PTPRG: variants seen among roughly 807,000 people sequenced by gnomAD.
PTPRG encodes the protein protein tyrosine phosphatase receptor type G.
Under a neutral mutation model 165.3 loss-of-function variants are expected in PTPRG, and 102 were observed. The ratio of observed to expected loss-of-function variants is 0.62; its 90% CI spans 0.53 to 0.73. The LOEUF is 0.73. Among genes scored for constraint, PTPRG ranks in the 30% least tolerant of loss-of-function variants. The pLI is 0.00. For synonymous variants in PTPRG, 675 were observed against 669.5 expected, an observed-to-expected ratio of 1.01 and a Z score of -0.13; for missense variants, 1,866 against 1,861.4, an observed-to-expected ratio of 1.00 and a Z score of -0.05.
chr3:61,693,736 C>T (rs755947073), intron 1 of PTPRG, among the ~76,000 whole-genome samples: 4 of 151,982 alleles, frequency 2.6e-5, no homozygotes, highest in Non-Finnish European at 4.4e-5. Context: ...CCGGGTGCAG[C>T]GGCTCACGCC....
At chr3:62,080,113 G>A (rs1377802559) in intron 5 of PTPRG, among the ~76,000 whole-genome samples, 15 of 146,782 alleles carry the variant, frequency 1.0e-4, no homozygotes, top group African/African-American at 3.7e-4. Flanking sequence ...TTATGCCCAG[G>A]CTGGAGTGCA....
chr3:61,825,474 T>C (rs908851055), intron 2 of PTPRG, among the ~76,000 whole-genome samples: 2 of 152,178 alleles, frequency 1.3e-5, no homozygotes, highest in East Asian at 3.9e-4. Flanking sequence ...TACCTATTGT[T>C]TTGATGGTTT....
At chr3:62,011,833 C>T (rs565354985) in intron 4 of PTPRG, among the ~76,000 whole-genome samples, 39 of 152,298 alleles carry the variant, frequency 2.6e-4, no homozygotes, top group African/African-American at 6.5e-4. Flanking sequence ...CAGTCCTCAT[C>T]GCAGTCATCC....
At chr3:62,238,577 T>G (rs1701082636) in intron 14 of PTPRG, among the ~76,000 whole-genome samples, 1 of 152,154 alleles carries the variant, frequency 6.6e-6, no homozygotes, top group Non-Finnish European at 1.5e-5. Context: ...TGGTTCATAA[T>G]TGGACACAGT....
intron 1 of PTPRG, among the ~76,000 whole-genome samples, chr3:61,571,839 G>A (rs986651429): frequency 6.6e-6 from 1 of 152,198 alleles, no homozygotes; most frequent in African/African-American, 2.4e-5. Context: ...GGCAAGAAAT[G>A]GCTTGGATTC....
chr3:61,845,490 C>T (rs2036781913), intron 2 of PTPRG, among the ~76,000 whole-genome samples: 1 of 152,134 alleles, frequency 6.6e-6, no homozygotes, highest in Admixed American at 6.5e-5. Flanking sequence ...AATAACATTT[C>T]CATTTTCCCC....
intron 2 of PTPRG, among the ~76,000 whole-genome samples, chr3:61,789,965 T>C (rs1486440959): frequency 1.3e-5 from 2 of 152,220 alleles, no homozygotes; most frequent in African/African-American, 4.8e-5. Flanking sequence ...TCACATGATT[T>C]AGTGCTTCAT....
chr3:62,122,467 C>G (rs1488375996), intron 5 of PTPRG, among the ~76,000 whole-genome samples: 1 of 152,124 alleles, frequency 6.6e-6, no homozygotes, highest in Non-Finnish European at 1.5e-5. Context: ...CAGAGTAAAA[C>G]TACCCCCTCT....
rs142643212 is a variant in PTPRG at position 61,971,872 on chromosome 3, A to G, written c.191-17753A>G. Among the ~76,000 whole-genome samples, 10 of 152,376 alleles carry G rather than the reference A, an allele frequency of 6.6e-5. No homozygotes were observed. In the East Asian group the frequency reaches 1.9e-3, roughly 29 times the overall value. On this transcript the variant is annotated intron_variant, in intron 2 of 29. Coordinates refer to ENST00000474889, the MANE Select transcript of PTPRG (RefSeq NM_002841.4). Reference sequence around the variant, plus strand: ...TTAAAGTTAAACTTCAAGGAAGAAAAAACAAAAAAGAATAAAAATAAAGTG... The same window carrying G: ...TTAAAGTTAAACTTCAAGGAAGAAAGAACAAAAAAGAATAAAAATAAAGTG...
chr3:61,650,704 C>G (rs1702325562), intron 1 of PTPRG, among the ~76,000 whole-genome samples: 1 of 152,204 alleles, frequency 6.6e-6, no homozygotes, highest in African/African-American at 2.4e-5. Flanking sequence ...AACGCACAGT[C>G]AACTTTTATC....
intron 10 of PTPRG, among the ~76,000 whole-genome samples, chr3:62,198,126 T>A: frequency 6.6e-6 from 1 of 152,234 alleles, no homozygotes; most frequent in East Asian, 1.9e-4. Flanking sequence ...AACATTGCAA[T>A]AAATATGTTT....
chr3:61,776,223 G>A (rs2034377642), intron 2 of PTPRG, among the ~76,000 whole-genome samples: 1 of 152,052 alleles, frequency 6.6e-6, no homozygotes, highest in Non-Finnish European at 1.5e-5. Flanking sequence ...AATACTGTTT[G>A]CTAAGGGAAT....
chr3:62,239,151 C>A (rs1011764250), intron 14 of PTPRG, among the ~76,000 whole-genome samples: 9 of 152,066 alleles, frequency 5.9e-5, no homozygotes, highest in South Asian at 2.1e-4. Flanking sequence ...AGGGTACTTA[C>A]ATATACAAAT....
intron 4 of PTPRG, among the ~76,000 whole-genome samples, chr3:62,061,462 T>C (rs879448212): frequency 2.0e-5 from 3 of 152,158 alleles, no homozygotes; most frequent in Non-Finnish European, 4.4e-5. Context: ...GATATTTTGC[T>C]GTTTTTATCC....
intron 1 of PTPRG, among the ~76,000 whole-genome samples, chr3:61,649,613 T>C (rs182098846): frequency 2.0e-5 from 3 of 152,322 alleles, no homozygotes; most frequent in Admixed American, 1.3e-4. Flanking sequence ...CTTAATACCA[T>C]CACATTGACA....
chr3:62,215,671 G>A (rs111800599), intron 12 of PTPRG, among the ~76,000 whole-genome samples: 16 of 151,906 alleles, frequency 1.1e-4, no homozygotes, highest in African/African-American at 3.4e-4. Context: ...TTGTCTTCAG[G>A]ACCTTCATTC....
chr3:61,771,086 C>T (rs918181519), intron 2 of PTPRG: 4 of 151,984 alleles, frequency 2.6e-5, no homozygotes, highest in African/African-American at 7.2e-5. Flanking sequence ...TGGAGTGGTC[C>T]GCAAGGTGAG....
At chr3:62,170,394 G>A (rs1366868200) in intron 8 of PTPRG, among the ~76,000 whole-genome samples, 8 of 152,154 alleles carry the variant, frequency 5.3e-5, no homozygotes, top group Non-Finnish European at 1.0e-4. Context: ...TCACAAGTGA[G>A]TGCAAGATCT....
chr3:62,042,654 A>G (rs1365185645), intron 4 of PTPRG, among the ~76,000 whole-genome samples: 3 of 151,128 alleles, frequency 2.0e-5, no homozygotes, highest in East Asian at 2.0e-4. Flanking sequence ...TCCAACCTCC[A>G]CTCCAGTTCC....
Sources: gnomAD v4.1 joint callset for allele counts (sites outside exome capture counted in the v4.1 genomes callset) on GRCh38, gnomAD v4.1.1 for gene constraint, MANE v1.5 for transcripts, NCBI Gene and HGNC (gene_info 2026-07-23, HGNC 2026-07-21) for gene names.